The following MAPK4 variants were observed in gnomAD, a reference collection of about 807,000 sequenced individuals.
The protein encoded by MAPK4 is mitogen-activated protein kinase 4, also known as Erk3-related.
MAPK4 carries 22 observed loss-of-function variants against 47.7 expected under a neutral mutation model. The observed-to-expected ratio is 0.46, with a 90% CI of 0.33 to 0.66. MAPK4 has a LOEUF of 0.66. Ranked by LOEUF, MAPK4 falls within the 30% of genes least tolerant of loss-of-function variation. The probability of loss-of-function intolerance (pLI) is 0.02; values close to 1 mark genes in which losing one functional copy is unlikely to be tolerated. For synonymous variants in MAPK4, 390 were observed against 365.7 expected (o/e 1.07, Z -0.76); for missense variants, 736 against 831.7 (o/e 0.88, Z 1.42).
intron 1 of MAPK4, among the ~76,000 whole-genome samples, chr18:50,608,674 C>A (rs1041382382): frequency 3.3e-5 from 5 of 152,036 alleles, no homozygotes; most frequent in African/African-American, 1.2e-4. Context: ...ATTATGTTTA[C>A]CCCTCCAGCC....
At chr18:50,560,825 G>A (rs1266504845) in intron 1 of MAPK4, 3 of 152,360 alleles carry the variant, frequency 2.0e-5, no homozygotes, top group African/African-American at 7.2e-5. Context: ...GCGACCCAGA[G>A]CCCCAGCCTG....
intron 1 of MAPK4, among the ~76,000 whole-genome samples, chr18:50,659,053 T>C (rs1210576768): frequency 6.6e-6 from 1 of 152,252 alleles, no homozygotes; most frequent in African/African-American, 2.4e-5. Context: ...ATATTGTCTG[T>C]GGCTGCTTTT....
At chr18:50,659,511 G>A (rs2043146253) in intron 1 of MAPK4, among the ~76,000 whole-genome samples, 1 of 152,190 alleles carries the variant, frequency 6.6e-6, no homozygotes, top group South Asian at 2.1e-4. Flanking sequence ...CAAAGCCCCA[G>A]GAATCCCAGA....
At chr18:50,721,360 C>T (rs2144468264) in intron 3 of MAPK4, among the ~76,000 whole-genome samples, 2 of 152,320 alleles carry the variant, frequency 1.3e-5, no homozygotes, top group Non-Finnish European at 2.9e-5. Context: ...TCCATCCTGT[C>T]CCACCAAAGT....
intron 1 of MAPK4, among the ~76,000 whole-genome samples, chr18:50,565,205 C>T (rs946423307): frequency 1.3e-5 from 2 of 152,188 alleles, no homozygotes; most frequent in Non-Finnish European, 2.9e-5. Context: ...CTAGGGTGAC[C>T]TATACTTCTG....
At chr18:50,619,692 T>C (rs1265210530) in intron 1 of MAPK4, among the ~76,000 whole-genome samples, 1 of 152,200 alleles carries the variant, frequency 6.6e-6, no homozygotes, top group African/African-American at 2.4e-5. Context: ...TGACTGCCTC[T>C]TTGTTCCTGC....
intron 1 of MAPK4, among the ~76,000 whole-genome samples, chr18:50,581,568 G>A (rs1283682809): frequency 6.6e-6 from 1 of 152,252 alleles, no homozygotes; most frequent in Admixed American, 6.5e-5. Context: ...ACATTCAGAT[G>A]AAGGGGAATT....
At position 50,575,084 on chromosome 18, in the gene MAPK4, C is replaced by T. The variant is rs576597916; in HGVS notation, c.-871+14841C>T. 8.2e-4 allele frequency among the ~76,000 whole-genome samples: 125 copies of T among 152,232 alleles called. No homozygotes were observed. The Middle Eastern group carries it at 0.01, about 12-fold the overall frequency. ...TTGGGAAGTGGGGCCTTCGGGGAGG[C>T]GTTTAGGTCACGAGGGCTCTGTCCT... On this transcript the variant is annotated intron_variant, in intron 1 of 5. Transcript: ENST00000400384.
At chr18:50,665,912 T>C (rs769452493) in intron 2 of MAPK4, among the ~76,000 whole-genome samples, 2 of 152,234 alleles carry the variant, frequency 1.3e-5, no homozygotes, top group African/African-American at 2.4e-5. Context: ...TGTATCTCTT[T>C]CTAATTCCTT....
intron 1 of MAPK4, among the ~76,000 whole-genome samples, chr18:50,601,098 A>T (rs60024974): frequency 3.3e-3 from 6 of 1,802 alleles, no homozygotes; most frequent in South Asian, 0.14. Context: ...CTATCTCTGT[A>T]AAAAAAAAAA....
At chr18:50,607,927 A>G (rs2042596335) in intron 1 of MAPK4, among the ~76,000 whole-genome samples, 4 of 152,210 alleles carry the variant, frequency 2.6e-5, no homozygotes, top group Admixed American at 2.6e-4. Context: ...CCACATAATG[A>G]GTTCTTATAA....
chr18:50,637,319 A>T (rs1284657687), intron 1 of MAPK4, among the ~76,000 whole-genome samples: 1 of 152,228 alleles, frequency 6.6e-6, no homozygotes, highest in Non-Finnish European at 1.5e-5. Flanking sequence ...TCCATCTACA[A>T]GCAAACAAAG....
chr18:50,698,420 A>C (rs546586404), intron 2 of MAPK4, among the ~76,000 whole-genome samples: 1 of 152,330 alleles, frequency 6.6e-6, no homozygotes, highest in East Asian at 1.9e-4. Context: ...TAATTACATG[A>C]AACAAGTTCT....
At chr18:50,569,534 C>A (rs1002809634) in intron 1 of MAPK4, among the ~76,000 whole-genome samples, 1 of 152,178 alleles carries the variant, frequency 6.6e-6, no homozygotes, top group African/African-American at 2.4e-5. Flanking sequence ...TTCTGTCTTA[C>A]TTCTAGGGTC....
At chr18:50,689,225 G>A (rs1282786410) in intron 2 of MAPK4, among the ~76,000 whole-genome samples, 9 of 148,040 alleles carry the variant, frequency 6.1e-5, no homozygotes, top group East Asian at 3.9e-4. Context: ...GCGAAACCCC[G>A]TCTCTACTAA....
Position 50,729,422 on chromosome 18 carries a change from C to A in MAPK4, c.1332C>A (p.Arg444=). 1 of 1,549,348 alleles carries A rather than the reference C, an allele frequency of 6.5e-7. No homozygotes were observed. The stretch of plus-strand genomic sequence containing the variant: ...CCTACCTGGACAAGCTGCTGTGGCG[C>A]GACAACAAGCCGCACCACTACTCGG... The part of the protein sequence containing the change: ...SPSYLDKLLW[R]DNKPHHYSEP... The change falls in exon 6 of 6, where the codon CGC becomes CGA. Residue 444 remains arginine (R), a synonymous_variant. Coordinates refer to ENST00000400384, the MANE Select transcript of MAPK4 (RefSeq NM_002747.4).
chr18:50,684,414 C>T (rs995199225), intron 2 of MAPK4, among the ~76,000 whole-genome samples: 17 of 152,050 alleles, frequency 1.1e-4, no homozygotes, highest in Admixed American at 4.6e-4. Context: ...AGCATGGTGG[C>T]GTGCACCTGT....
At position 50,664,240 on chromosome 18, in the gene MAPK4, G is replaced by A. The variant is rs1344522731; in HGVS notation, c.282G>A (p.Glu94=). The A allele has an allele frequency of 6.2e-7, 1 of 1,614,028 alleles. No homozygotes were observed. The highest frequency in any genetic ancestry group is 1.3e-5 in the African/African-American group (1 of 75,066). The change falls in exon 2 of 6, where the codon GAG becomes GAA. Residue 94 remains glutamate, a synonymous_variant. Coordinates refer to ENST00000400384, the MANE Select transcript of MAPK4 (RefSeq NM_002747.4). This position sits in a 1 kb window ranked among gnomAD's most constrained non-coding sequence, Gnocchi z 6.0. The stretch of plus-strand genomic sequence containing the variant: ...CCAAGGGCACTGACCTGCAGGGTGA[G>A]CTGTTCAAGTTCAGCGTGGCGTACA... ...LGPKGTDLQG[E]LFKFSVAYIV...
intron 2 of MAPK4, among the ~76,000 whole-genome samples, chr18:50,689,404 T>TAA (rs34978159): frequency 1.5e-4 from 13 of 84,852 alleles, no homozygotes; most frequent in South Asian, 4.2e-4. Flanking sequence ...AACTCCATCT[T>TAA]AAAAAAAAAA....
Sources: gnomAD v4.1 joint callset for allele counts (sites outside exome capture counted in the v4.1 genomes callset) on GRCh38, gnomAD v4.1.1 for gene constraint, Gnocchi (gnomAD v3.1) non-coding constraint, MANE v1.5 for transcripts, NCBI Gene and HGNC (gene_info 2026-07-23, HGNC 2026-07-21) for gene names.